The following MAPKAPK5 variants were observed in gnomAD, a reference collection of about 807,000 sequenced individuals.
MAPKAPK5 encodes the protein MAPK activated protein kinase 5, also known as MAP kinase-activated protein kinase 5.
Under a neutral mutation model 65.1 loss-of-function variants are expected in MAPKAPK5, and 30 were observed. The ratio of observed to expected loss-of-function variants is 0.46; its 90% CI spans 0.34 to 0.63. MAPKAPK5 has a LOEUF of 0.63. Ranked by LOEUF, MAPKAPK5 falls within the 20% of genes least tolerant of loss-of-function variation. MAPKAPK5 has a pLI of 0.01. For missense variants in MAPKAPK5, 433 were observed against 581.4 expected (o/e 0.74, Z 2.63); for synonymous variants, 179 against 204.6 (o/e 0.87, Z 1.07).
At chr12:111,873,473 A>G (rs2069852309) in intron 7 of MAPKAPK5, among the ~76,000 whole-genome samples, 1 of 152,016 alleles carries the variant, frequency 6.6e-6, no homozygotes, top group African/African-American at 2.4e-5. Flanking sequence ...CCTCCTAAGT[A>G]GCTGGGATTA....
At chr12:111,892,852 C>A (rs2070663567) in intron 13 of MAPKAPK5, 115 bp from the exon 14 acceptor site, 1 of 621,910 alleles carries the variant, frequency 1.6e-6, no homozygotes, top group Non-Finnish European at 2.7e-6. Context: ...GGGTGGTTCC[C>A]CCACTGGTGA....
chr12:111,901,535 A>C lies in MAPKAPK5; in HGVS notation c.*8474A>C, dbSNP rs915936315. ...GTACAATTATTTGATCTGCTTGCTT[A>C]AAAAATCACCAGAGGCTGCCCCGGC... On this transcript the variant is annotated 3_prime_UTR_variant, in exon 14 of 14. Coordinates refer to ENST00000550735, the MANE Select transcript of MAPKAPK5 (RefSeq NM_003668.4). 2 of 357,494 alleles carry C rather than the reference A, an allele frequency of 5.6e-6. No homozygotes were observed. Among genetic ancestry groups the C allele is most frequent in the Non-Finnish European group, 1.1e-5 (2 of 180,970 alleles). 22.1% of individuals were successfully genotyped at this position (357,494 alleles called of 1,614,324 possible).
chr12:111,893,665 GT>G lies in MAPKAPK5; in HGVS notation c.*605del, dbSNP rs1189972915. The G allele has an allele frequency of 6.6e-6, 1 of 151,220 alleles. No individual in the cohort carries two copies. The highest frequency in any genetic ancestry group is 1.5e-5 in the Non-Finnish European group (1 of 67,974). 9.4% of individuals were successfully genotyped at this position (151,220 alleles called of 1,614,324 possible). On this transcript the variant is annotated 3_prime_UTR_variant, in exon 14 of 14. Transcript: ENST00000550735. ...CCTTTTTGTCATATCTGTTAAAAGGGTACTGGTGTGTTTCTTAAATCTAACA... is the reference window on the plus strand; with the variant it reads ...CCTTTTTGTCATATCTGTTAAAAGGGACTGGTGTGTTTCTTAAATCTAACA...
Position 111,883,515 on chromosome 12 carries a change from G to A in MAPKAPK5, c.661-66G>A, listed in dbSNP as rs2070307541. 4.2e-6 allele frequency: 6 copies of A among 1,429,550 alleles called. No homozygotes were observed. Among genetic ancestry groups the A allele is most frequent in the Non-Finnish European group, 3.9e-6 (4 of 1,028,168 alleles). The allele number at this position is 1,429,550 out of a possible 1,614,324, so 88.6% of individuals were successfully genotyped here. A position where few individuals can be genotyped will look rare whatever the true frequency, so the allele number is the denominator to read the frequency against. ...TATTGCAGGGGCTATTCCTGAGCCTGTCATGGGGTGTTTATTTGGGGGCTC... is the reference window on the plus strand; with the variant it reads ...TATTGCAGGGGCTATTCCTGAGCCTATCATGGGGTGTTTATTTGGGGGCTC... On this transcript the variant is annotated intron_variant, in intron 8 of 13. Transcript: ENST00000550735. This position sits in a 1 kb window ranked among gnomAD's most constrained non-coding sequence, Gnocchi z 4.8.
At chr12:111,856,936 A>G (rs996252822) in intron 1 of MAPKAPK5, among the ~76,000 whole-genome samples, 1 of 152,038 alleles carries the variant, frequency 6.6e-6, no homozygotes, top group Non-Finnish European at 1.5e-5. Context: ...TATCTGATGT[A>G]AATTCTCTGT....
intron 3 of MAPKAPK5, 25 bp downstream of exon 3, chr12:111,866,256 TTAAA>T: frequency 6.3e-7 from 1 of 1,589,626 alleles, no homozygotes; most frequent in Non-Finnish European, 8.6e-7. Flanking sequence ...CTCGACTTAA[TTAAA>T]TAGTTGAAGT....
At chr12:111,846,722 C>T (rs2068917659) in intron 1 of MAPKAPK5, among the ~76,000 whole-genome samples, 1 of 151,902 alleles carries the variant, frequency 6.6e-6, no homozygotes, top group Non-Finnish European at 1.5e-5. Flanking sequence ...TGATCTCGAA[C>T]TCCTGACCTC....
chr12:111,880,656 C>A (rs2070169503), intron 8 of MAPKAPK5, 129 bp downstream of exon 8: 1 of 724,914 alleles, frequency 1.4e-6, no homozygotes, highest in Non-Finnish European at 2.3e-6. Context: ...AAAGAAGCAG[C>A]CAGACTCGCA....
intron 10 of MAPKAPK5, 51 bp downstream of exon 10, chr12:111,886,087 A>G: frequency 1.2e-6 from 2 of 1,613,000 alleles, no homozygotes; most frequent in Non-Finnish European, 1.7e-6. Context: ...TTGGGAAGGA[A>G]TGCTGGGGCT....
chr12:111,882,712 T>G (rs115408153), intron 8 of MAPKAPK5: 1 of 650,764 alleles, frequency 1.5e-6, no homozygotes, highest in African/African-American at 2.0e-5. Context: ...CCCAGAATGG[T>G]GTAAGAGCTT....
intron 9 of MAPKAPK5, among the ~76,000 whole-genome samples, chr12:111,885,095 C>T (rs2070360973): frequency 6.6e-6 from 1 of 152,152 alleles, no homozygotes; most frequent in Non-Finnish European, 1.5e-5. Context: ...TTTCCTGTCC[C>T]TAGAGCAACA....
chr12:111,882,316 G>C (rs993593929), intron 8 of MAPKAPK5, among the ~76,000 whole-genome samples: 3 of 152,222 alleles, frequency 2.0e-5, no homozygotes, highest in Non-Finnish European at 4.4e-5. Flanking sequence ...GGAGGCAGTG[G>C]TTGCAGTGAG....
rs892679647 is a variant in MAPKAPK5 at position 111,881,868 on chromosome 12, T to C, written c.660+1341T>C. On this transcript the variant is annotated intron_variant, in intron 8 of 13. Coordinates refer to ENST00000550735, the MANE Select transcript of MAPKAPK5 (RefSeq NM_003668.4). ...GTAAAAAGGCAGTAGGCTGGGACAC[T>C]TGCTGTGGCTCCACTACTCTTAATC... Among the ~76,000 whole-genome samples the C allele has an allele frequency of 2.0e-5, 3 of 152,326 alleles. No homozygotes were observed. In the East Asian group the frequency reaches 5.8e-4, roughly 29 times the overall value.
At position 111,901,895 on chromosome 12, in the gene MAPKAPK5, A is replaced by T. The variant is rs554792158; in HGVS notation, c.*8834A>T. ...AATTTACATTAATTTAATATGTTAAATATTTTAGTACCTTTTGCTTTTTCA... is the reference window on the plus strand; with the variant it reads ...AATTTACATTAATTTAATATGTTAATTATTTTAGTACCTTTTGCTTTTTCA... On this transcript the variant is annotated 3_prime_UTR_variant, in exon 14 of 14. Transcript: ENST00000550735. The T allele has an allele frequency of 6.5e-6, 1 of 154,256 alleles. No individual in the cohort carries two copies. The highest frequency in any genetic ancestry group is 1.4e-5 in the Non-Finnish European group (1 of 69,526). The allele number at this position is 154,256 out of a possible 1,614,324, so 9.6% of individuals were successfully genotyped here. A position where few individuals can be genotyped will look rare whatever the true frequency, so the allele number is the denominator to read the frequency against.
Position 111,868,831 on chromosome 12 carries a change from A to G in MAPKAPK5, c.363A>G (p.Thr121=), listed in dbSNP as rs763582762. 1.9e-6 allele frequency: 3 copies of G among 1,564,156 alleles called. No homozygotes were observed. Among genetic ancestry groups the G allele is most frequent in the Non-Finnish European group, 2.6e-6 (3 of 1,154,292 alleles). ...FHRISQHRHF[T]EKQASQVTKQ... ...GAATCAGCCAGCACCGGCACTTTAC[A>G]GAGAAGCAAGCCAGCCAAGTAACAA... is the stretch of plus-strand genomic sequence containing the variant. Residue 121 remains threonine (T), a synonymous_variant, in exon 5 of 14, where the codon ACA becomes ACG. Transcript: ENST00000550735.
chr12:111,866,064 T>C, intron 2 of MAPKAPK5, 92 bp from the exon 3 acceptor site: 3 of 1,030,318 alleles, frequency 2.9e-6, no homozygotes, highest in Non-Finnish European at 4.2e-6. Context: ...ATATCCTTGA[T>C]GAGAAGTACA....
At position 111,842,559 on chromosome 12, in the gene MAPKAPK5, C is replaced by T. The variant is rs961481064; in HGVS notation, c.-175C>T. On this transcript the variant is annotated 5_prime_UTR_variant, in exon 1 of 14. Transcript: ENST00000550735. ...CTGCTGCCGCCAGCCTAGAGCCGCC[C>T]GCCGAAGCAGAGCCGGCGCCGGGGT... The T allele has an allele frequency of 2.6e-5, 10 of 381,204 alleles. No homozygotes were observed. The highest frequency in any genetic ancestry group is 9.4e-5 in the Admixed American group (2 of 21,252). The allele number at this position is 381,204 out of a possible 1,614,324, so 23.6% of individuals were successfully genotyped here.
rs1312089989 is a variant in MAPKAPK5, at chr12:111,871,161, CTTA to C, written c.565_567del (p.Tyr189del). The C allele has an allele frequency of 6.2e-7, 1 of 1,613,622 alleles. No homozygotes were observed. Among genetic ancestry groups the C allele is most frequent in the Non-Finnish European group, 8.5e-7 (1 of 1,179,830 alleles). On this transcript the variant is annotated inframe_deletion, in exon 7 of 14. Coordinates refer to ENST00000550735, the MANE Select transcript of MAPKAPK5 (RefSeq NM_003668.4). The stretch of plus-strand genomic sequence containing the variant: ...GACTTGATGACACCCCAGTTCACCC[CTTA>C]TTATGTAGCACCCCAGGTAAGCATG...
Position 111,902,095 on chromosome 12 carries a change from C to T in MAPKAPK5, c.*9034C>T, listed in dbSNP as rs184294923. On this transcript the variant is annotated 3_prime_UTR_variant, in exon 14 of 14. Transcript: ENST00000550735. ...ACTCTGGGATTTTCATTTTAAGTAACAACTACCTATTATGTGAGGACAGTT... is the reference window on the plus strand; with the variant it reads ...ACTCTGGGATTTTCATTTTAAGTAATAACTACCTATTATGTGAGGACAGTT... 1.3e-5 allele frequency: 2 copies of T among 152,382 alleles called. No individual in the cohort carries two copies. The highest frequency in any genetic ancestry group is 3.9e-4 in the East Asian group (2 of 5,190). The allele number at this position is 152,382 out of a possible 1,614,324, so 9.4% of individuals were successfully genotyped here.
Sources: allele counts gnomAD v4.1 joint callset (sites outside exome capture counted in the v4.1 genomes callset), GRCh38; gene constraint gnomAD v4.1.1; non-coding constraint Gnocchi (gnomAD v3.1); transcripts MANE v1.5; gene names NCBI Gene and HGNC (gene_info 2026-07-23, HGNC 2026-07-21).